Variants in PLCB4 observed in about 807,000 individuals in gnomAD.
PLCB4 encodes 1-phosphatidylinositol 4,5-bisphosphate phosphodiesterase beta-4.
In PLCB4, 77 loss-of-function variants were observed where a neutral mutation model predicts 178.8. The observed-to-expected ratio is 0.43, with a 90% CI of 0.36 to 0.52. The LOEUF (loss-of-function observed/expected upper bound fraction) is 0.52. Among genes scored for constraint, PLCB4 ranks in the 20% least tolerant of loss-of-function variants. The probability of loss-of-function intolerance (pLI) is 0.00; values close to 1 mark genes in which losing one functional copy is unlikely to be tolerated. For missense variants in PLCB4, 1,024 were observed against 1,453.4 expected (o/e 0.70, Z 4.80); for synonymous variants, 496 against 490.8 (o/e 1.01, Z -0.14).
At chr20:9,100,816 T>C (rs1369651878) in intron 2 of PLCB4, among the ~76,000 whole-genome samples, 1 of 152,136 alleles carries the variant, frequency 6.6e-6, no homozygotes, top group Non-Finnish European at 1.5e-5. Flanking sequence ...TTCTTAAGCA[T>C]ATTGTCTCTT....
intron 2 of PLCB4, among the ~76,000 whole-genome samples, chr20:9,180,538 G>A (rs2208297): frequency 0.26 from 40,090 of 151,982 alleles, 6,314 homozygotes; most frequent in African/African-American, 0.43. Context: ...GTTTAGCATG[G>A]CTGGTGTTAC....
At chr20:9,372,483 T>A in intron 11 of PLCB4, 80 bp downstream of exon 11, 1 of 681,108 alleles carries the variant, frequency 1.5e-6, no homozygotes, top group East Asian at 2.7e-5. Flanking sequence ...TTGTCCTATT[T>A]TAATAGAGTA....
intron 2 of PLCB4, among the ~76,000 whole-genome samples, chr20:9,192,263 G>T (rs937098044): frequency 6.6e-6 from 1 of 152,102 alleles, no homozygotes; most frequent in Admixed American, 6.5e-5. Context: ...TTGCCCACAG[G>T]TATCTCTGCT....
intron 35 of PLCB4, among the ~76,000 whole-genome samples, chr20:9,465,960 AG>A (rs1175728868): frequency 1.3e-5 from 2 of 152,234 alleles, no homozygotes; most frequent in African/African-American, 4.8e-5. Flanking sequence ...GAACCAAAAA[AG>A]AGCCCTCATT....
intron 2 of PLCB4, among the ~76,000 whole-genome samples, chr20:9,140,959 A>G (rs1179213087): frequency 1.3e-5 from 2 of 152,084 alleles, no homozygotes; most frequent in Admixed American, 6.6e-5. Context: ...GCCTCGTTTC[A>G]GGGAATATAA....
At chr20:9,468,770 C>G (rs888161663) in intron 36 of PLCB4, 98 bp downstream of exon 36, 6 of 660,242 alleles carry the variant, frequency 9.1e-6, no homozygotes, top group Non-Finnish European at 1.6e-5. Context: ...ACTGAGACAG[C>G]AAAACACTTG....
intron 2 of PLCB4, among the ~76,000 whole-genome samples, chr20:9,177,934 A>G (rs1568900656): frequency 6.6e-6 from 1 of 152,202 alleles, no homozygotes. Context: ...CCTATGGTAT[A>G]AAAACATTCC....
At chr20:9,094,823 G>A (rs184069102) in intron 1 of PLCB4, among the ~76,000 whole-genome samples, 15 of 152,270 alleles carry the variant, frequency 9.9e-5, no homozygotes, top group East Asian at 5.8e-4. Flanking sequence ...TGACCCATGT[G>A]TGCATATTGA....
intron 14 of PLCB4, among the ~76,000 whole-genome samples, chr20:9,385,061 C>A (rs1366038566): frequency 6.6e-6 from 1 of 152,124 alleles, no homozygotes; most frequent in Admixed American, 6.5e-5. Context: ...ACATCTTGTA[C>A]CGCCCTTAAT....
chr20:9,109,467 T>C (rs1005215744), intron 2 of PLCB4, among the ~76,000 whole-genome samples: 1 of 151,710 alleles, frequency 6.6e-6, no homozygotes, highest in South Asian at 2.1e-4. Context: ...ATAAAATGAT[T>C]GCTTTTTTTT....
chr20:9,375,119 T>A (rs2299674), intron 12 of PLCB4, among the ~76,000 whole-genome samples: 13,230 of 152,130 alleles, frequency 0.087, 1,375 homozygotes, highest in African/African-American at 0.24. Flanking sequence ...TCCTTTTCTA[T>A]CCTAGTGAAC....
At chr20:9,070,008 C>T (rs962829422) in intron 1 of PLCB4, among the ~76,000 whole-genome samples, 5 of 151,928 alleles carry the variant, frequency 3.3e-5, no homozygotes, top group Non-Finnish European at 5.9e-5. Context: ...TTAATTTTGG[C>T]CAGAATATTC....
intron 2 of PLCB4, among the ~76,000 whole-genome samples, chr20:9,102,966 G>A (rs1207984673): frequency 6.6e-6 from 1 of 151,716 alleles, no homozygotes; most frequent in Admixed American, 6.6e-5. Context: ...GGACTTGTAG[G>A]AACCACATAT....
intron 3 of PLCB4, among the ~76,000 whole-genome samples, chr20:9,248,573 G>C: frequency 6.6e-6 from 1 of 152,148 alleles, no homozygotes; most frequent in South Asian, 2.1e-4. Flanking sequence ...TTTTGTGTCA[G>C]ATTAACTTAG....
At chr20:9,207,322 G>T (rs1452801505) in intron 2 of PLCB4, among the ~76,000 whole-genome samples, 2 of 152,192 alleles carry the variant, frequency 1.3e-5, no homozygotes, top group Non-Finnish European at 2.9e-5. Context: ...ACCTCCTTAG[G>T]CAAGGGGCCC....
At chr20:9,452,022 GC>G (rs750904515) in intron 32 of PLCB4, among the ~76,000 whole-genome samples, 1 of 152,172 alleles carries the variant, frequency 6.6e-6, no homozygotes, top group East Asian at 1.9e-4. Context: ...TCCACAGCAA[GC>G]CCACCTAGCC....
intron 8 of PLCB4, among the ~76,000 whole-genome samples, chr20:9,364,966 T>G (rs2035647680): frequency 6.6e-6 from 1 of 151,242 alleles, no homozygotes; most frequent in Non-Finnish European, 1.5e-5. Flanking sequence ...TGATGAGTCC[T>G]CATGAATTCT....
chr20:9,195,513 A>G (rs1261404502), intron 2 of PLCB4, among the ~76,000 whole-genome samples: 1 of 152,216 alleles, frequency 6.6e-6, no homozygotes, highest in African/African-American at 2.4e-5. Context: ...TCAGCAGTTC[A>G]TTGAGGGGGT....
At chr20:9,155,669 G>A (rs1047157505) in intron 2 of PLCB4, among the ~76,000 whole-genome samples, 1 of 152,126 alleles carries the variant, frequency 6.6e-6, no homozygotes, top group African/African-American at 2.4e-5. Flanking sequence ...TCAGTGTGTT[G>A]GGATCCTCAA....
Sources: gnomAD v4.1 joint callset for allele counts (sites outside exome capture counted in the v4.1 genomes callset) on GRCh38, gnomAD v4.1.1 for gene constraint, MANE v1.5 for transcripts, NCBI Gene and HGNC (gene_info 2026-07-23, HGNC 2026-07-21) for gene names.